The following EPHA6 variants were observed in gnomAD, a reference collection of about 807,000 sequenced individuals.
The protein encoded by EPHA6 is EPH receptor A6, also known as ephrin type-A receptor 6.
Under a neutral mutation model 112.0 loss-of-function variants are expected in EPHA6, and 50 were observed. That is an observed-to-expected ratio of 0.45 (90% CI 0.36 to 0.56). The LOEUF is 0.56. EPHA6 is among the 20% of genes least tolerant of loss of function. EPHA6 has a pLI of 0.00. For synonymous variants in EPHA6, 529 were observed against 490.7 expected, an observed-to-expected ratio of 1.08 and a Z score of -1.03; for missense variants, 1,280 against 1,417.4, an observed-to-expected ratio of 0.90 and a Z score of 1.56.
intron 1 of EPHA6, among the ~76,000 whole-genome samples, chr3:96,833,187 C>T (rs1241633023): frequency 6.7e-6 from 1 of 148,524 alleles, no homozygotes; most frequent in Admixed American, 6.9e-5. Flanking sequence ...GGGTGGACCC[C>T]TAATCTAGTA....
chr3:97,612,897 G>C (rs946614079), intron 13 of EPHA6, among the ~76,000 whole-genome samples: 9 of 152,190 alleles, frequency 5.9e-5, no homozygotes, highest in Non-Finnish European at 1.2e-4. Flanking sequence ...AGGTGGCAGA[G>C]CAAGGATTCA....
At position 96,814,970 on chromosome 3, in the gene EPHA6, C is replaced by T; in HGVS notation, c.347C>T (p.Ala116Val). The change falls in exon 1 of 18, where the codon GCG (alanine) becomes GTG (valine). Residue 116 changes from alanine (A) to valine (V), a missense_variant. Ala to Val is a moderately conservative substitution (Grantham distance 64, BLOSUM62 0). Transcript: ENST00000389672. ...QFGFFLPLLT[A>V]WPGDCSHVSN... The stretch of plus-strand genomic sequence containing the variant: ...GGTTTCTTCTTGCCTCTGCTGACAG[C>T]GTGGCCAGGCGACTGCAGTCACGTC... 1.3e-6 allele frequency: 2 copies of T among 1,539,730 alleles called. No homozygotes were observed. The highest frequency in any genetic ancestry group is 1.8e-6 in the Non-Finnish European group (2 of 1,139,188).
intron 2 of EPHA6, among the ~76,000 whole-genome samples, chr3:96,938,899 G>A (rs1266132773): frequency 2.0e-5 from 3 of 152,156 alleles, no homozygotes; most frequent in Non-Finnish European, 4.4e-5. Flanking sequence ...TTTACATGCT[G>A]GATTACATTT....
chr3:97,418,753 CAT>C (rs747536119), intron 6 of EPHA6, among the ~76,000 whole-genome samples: 1 of 151,916 alleles, frequency 6.6e-6, no homozygotes, highest in Non-Finnish European at 1.5e-5. Flanking sequence ...AAATAGTAAA[CAT>C]GTACATAAAT....
intron 3 of EPHA6, among the ~76,000 whole-genome samples, chr3:97,220,670 C>T (rs563163063): frequency 2.0e-5 from 3 of 152,050 alleles, no homozygotes; most frequent in South Asian, 4.1e-4. Flanking sequence ...GGGAAACCAC[C>T]CCCATGATTC....
chr3:96,894,103 T>G (rs2038130410), intron 2 of EPHA6, among the ~76,000 whole-genome samples: 1 of 152,168 alleles, frequency 6.6e-6, no homozygotes, highest in African/African-American at 2.4e-5. Flanking sequence ...ACAACAGTCT[T>G]GCTTAGGGGC....
chr3:96,874,608 A>G (rs2036836419), intron 2 of EPHA6, among the ~76,000 whole-genome samples: 1 of 152,110 alleles, frequency 6.6e-6, no homozygotes, highest in Admixed American at 6.6e-5. Context: ...GATACCAGTT[A>G]TAGTTAGTGA....
rs569067361 is a variant in EPHA6, at chr3:97,753,581, A to G, written c.*4880A>G. ...AGCATAGCTATCAGTTCGTATATGGATTCACTACCTCAAAGGTGCCTCCTG... is the reference window on the plus strand; with the variant it reads ...AGCATAGCTATCAGTTCGTATATGGGTTCACTACCTCAAAGGTGCCTCCTG... On this transcript the variant is annotated 3_prime_UTR_variant, in exon 18 of 18. Transcript: ENST00000389672. Among the ~76,000 whole-genome samples, 2 of 152,178 alleles carry G rather than the reference A, an allele frequency of 1.3e-5. No individual in the cohort carries two copies. The highest frequency in any genetic ancestry group is 4.8e-5 in the African/African-American group (2 of 41,514).
intron 13 of EPHA6, among the ~76,000 whole-genome samples, chr3:97,626,709 C>T (rs902795805): frequency 2.0e-5 from 3 of 151,728 alleles, no homozygotes; most frequent in Non-Finnish European, 2.9e-5. Context: ...TGTGCTAAAG[C>T]CAGATCATAC....
At chr3:97,562,604 C>T (rs181020899) in intron 11 of EPHA6, among the ~76,000 whole-genome samples, 32 of 152,242 alleles carry the variant, frequency 2.1e-4, no homozygotes, top group East Asian at 9.6e-4. Flanking sequence ...GAAGATGCTA[C>T]GCACATTGTT....
At chr3:97,140,167 TA>T (rs1013108432) in intron 3 of EPHA6, among the ~76,000 whole-genome samples, 37 of 151,554 alleles carry the variant, frequency 2.4e-4, no homozygotes, top group South Asian at 1.3e-3. Flanking sequence ...AAAATATATT[TA>T]AAAAAAATAA....
At chr3:97,055,498 C>A (rs1361880591) in intron 3 of EPHA6, among the ~76,000 whole-genome samples, 2 of 152,040 alleles carry the variant, frequency 1.3e-5, no homozygotes, top group African/African-American at 4.8e-5. Context: ...GGCTTATAAT[C>A]TTTTAGGAGT....
rs530481676 is a variant in EPHA6 at position 96,990,827 on chromosome 3, AT to A, written c.1114+2835del. 1.1e-3 allele frequency among the ~76,000 whole-genome samples: 163 copies of A among 152,282 alleles called. 1 individual carries two copies. The highest frequency in any genetic ancestry group is 6.8e-3 in the Middle Eastern group (2 of 294). The stretch of plus-strand genomic sequence containing the variant: ...ATTCATAACTTTTCTCACAAAAAAA[AT>A]CTCTGAATTACATATAATCAAAAGG... On this transcript the variant is annotated intron_variant, in intron 3 of 17. Coordinates refer to ENST00000389672, the MANE Select transcript of EPHA6 (RefSeq NM_001080448.3).
At chr3:97,497,774 T>C (rs1285189650) in intron 10 of EPHA6, among the ~76,000 whole-genome samples, 1 of 152,010 alleles carries the variant, frequency 6.6e-6, no homozygotes, top group Non-Finnish European at 1.5e-5. Context: ...GGTTAATTGC[T>C]GTGATGGAAT....
chr3:96,880,114 T>A (rs889811800), intron 2 of EPHA6, among the ~76,000 whole-genome samples: 3 of 151,872 alleles, frequency 2.0e-5, no homozygotes, highest in Admixed American at 6.6e-5. Flanking sequence ...ATAAAAAATT[T>A]AAAAAAATAA....
intron 3 of EPHA6, among the ~76,000 whole-genome samples, chr3:97,162,473 C>G (rs934139962): frequency 4.6e-5 from 7 of 152,120 alleles, no homozygotes; most frequent in African/African-American, 1.7e-4. Context: ...TGAGCAAGAA[C>G]TCTATTTGCT....
rs530751976 is a variant in EPHA6, at chr3:97,201,987, C to T, written c.1115-24277C>T. 3.3e-5 allele frequency among the ~76,000 whole-genome samples: 5 copies of T among 152,222 alleles called. No individual in the cohort carries two copies. In the South Asian group the frequency reaches 1.0e-3, roughly 32 times the overall value. On this transcript the variant is annotated intron_variant, in intron 3 of 17. Transcript: ENST00000389672. ...AACTAGGCACTCTAATGGGCACATA[C>T]ATAACCAAACATGCTGATGATGCTG...
intron 5 of EPHA6, among the ~76,000 whole-genome samples, chr3:97,248,626 C>T (rs539246047): frequency 2.6e-5 from 4 of 152,160 alleles, no homozygotes; most frequent in African/African-American, 9.6e-5. Flanking sequence ...TTGTCCAATT[C>T]ATTGGTATCT....
chr3:97,214,706 T>C (rs977926115), intron 3 of EPHA6, among the ~76,000 whole-genome samples: 1 of 152,180 alleles, frequency 6.6e-6, no homozygotes, highest in Non-Finnish European at 1.5e-5. Context: ...GATATGTTTG[T>C]AATTTGATTA....
Sources: allele counts gnomAD v4.1 joint callset (sites outside exome capture counted in the v4.1 genomes callset), GRCh38; gene constraint gnomAD v4.1.1; transcripts MANE v1.5; gene names NCBI Gene and HGNC (gene_info 2026-07-23, HGNC 2026-07-21).